Variants in LRRC4C observed in about 807,000 individuals in gnomAD.
LRRC4C encodes the protein leucine rich repeat containing 4C, also known as leucine-rich repeat-containing protein 4C.
LRRC4C carries 5 observed loss-of-function variants against 33.6 expected under a neutral mutation model. The ratio of observed to expected loss-of-function variants is 0.15; its 90% CI spans 0.08 to 0.31. The LOEUF is 0.31. LRRC4C is among the 10% of genes least tolerant of loss of function. The probability of loss-of-function intolerance (pLI) is 1.00; values close to 1 mark genes in which losing one functional copy is unlikely to be tolerated. For synonymous variants in LRRC4C, 329 were observed against 302.0 expected (o/e 1.09, Z -0.93); for missense variants, 560 against 796.7 (o/e 0.70, Z 3.58).
intron 5 of LRRC4C, among the ~76,000 whole-genome samples, chr11:40,185,140 T>A (rs974648089): frequency 7.2e-5 from 11 of 152,198 alleles, no homozygotes; most frequent in African/African-American, 2.7e-4. Flanking sequence ...TATGTTGAAA[T>A]GGTTAAGCTA....
chr11:41,399,173 G>A (rs1001849373), intron 1 of LRRC4C, among the ~76,000 whole-genome samples: 38 of 151,962 alleles, frequency 2.5e-4, no homozygotes, highest in African/African-American at 9.2e-4. Context: ...GGATCAGTGA[G>A]TGCTAATATT....
At chr11:40,331,691 T>C (rs1003974665) in intron 3 of LRRC4C, among the ~76,000 whole-genome samples, 2 of 152,192 alleles carry the variant, frequency 1.3e-5, no homozygotes, top group Non-Finnish European at 2.9e-5. Flanking sequence ...CTCTCTCTTC[T>C]TGAGCTGGGA....
intron 3 of LRRC4C, among the ~76,000 whole-genome samples, chr11:40,584,597 G>C (rs1401266573): frequency 6.6e-6 from 1 of 152,088 alleles, no homozygotes; most frequent in Non-Finnish European, 1.5e-5. Context: ...CACACAGTAA[G>C]AGAGAGAATC....
intron 1 of LRRC4C, among the ~76,000 whole-genome samples, chr11:41,409,723 A>C (rs1191851603): frequency 6.6e-6 from 1 of 152,192 alleles, no homozygotes. Flanking sequence ...GAAAGATAAA[A>C]AGCAATTCAA....
chr11:41,242,330 T>C (rs1039041160), intron 1 of LRRC4C, among the ~76,000 whole-genome samples: 1 of 152,110 alleles, frequency 6.6e-6, no homozygotes, highest in Admixed American at 6.5e-5. Context: ...CATACCCTAG[T>C]TTTTTCCACA....
At chr11:40,522,919 T>C (rs1483464315) in intron 3 of LRRC4C, among the ~76,000 whole-genome samples, 1 of 152,218 alleles carries the variant, frequency 6.6e-6, no homozygotes, top group Non-Finnish European at 1.5e-5. Flanking sequence ...AGTGTATGTA[T>C]GTATATTTTA....
chr11:41,253,752 C>T (rs1301729276), intron 1 of LRRC4C, among the ~76,000 whole-genome samples: 1 of 152,058 alleles, frequency 6.6e-6, no homozygotes, highest in Non-Finnish European at 1.5e-5. Flanking sequence ...TTGCAAGATC[C>T]TTGTGAGGCA....
chr11:41,027,900 T>C (rs1856485506), intron 1 of LRRC4C, among the ~76,000 whole-genome samples: 1 of 151,708 alleles, frequency 6.6e-6, no homozygotes, highest in African/African-American at 2.4e-5. Context: ...ACCACTGGAA[T>C]GGTGTTTTTA....
At chr11:40,780,251 T>TA (rs1950164780) in intron 2 of LRRC4C, among the ~76,000 whole-genome samples, 1 of 152,144 alleles carries the variant, frequency 6.6e-6, no homozygotes, top group Admixed American at 6.5e-5. Flanking sequence ...TACTTTATTT[T>TA]AAAAAATTAT....
intron 3 of LRRC4C, among the ~76,000 whole-genome samples, chr11:40,470,132 G>C (rs1952855205): frequency 6.6e-6 from 1 of 152,176 alleles, no homozygotes; most frequent in South Asian, 2.1e-4. Flanking sequence ...ATATAGGAGA[G>C]CACTGGTTGG....
chr11:40,352,907 C>T (rs1311794948), intron 3 of LRRC4C, among the ~76,000 whole-genome samples: 1 of 152,132 alleles, frequency 6.6e-6, no homozygotes, highest in Non-Finnish European at 1.5e-5. Flanking sequence ...GCCACTCTTG[C>T]CTGACCTGTA....
At chr11:41,365,906 G>A (rs1952517955) in intron 1 of LRRC4C, among the ~76,000 whole-genome samples, 2 of 152,062 alleles carry the variant, frequency 1.3e-5, no homozygotes, top group Non-Finnish European at 2.9e-5. Flanking sequence ...ATGTGACCTA[G>A]GGAAATATTT....
intron 2 of LRRC4C, among the ~76,000 whole-genome samples, chr11:40,927,350 A>C (rs1372345301): frequency 6.6e-6 from 1 of 152,038 alleles, no homozygotes; most frequent in Non-Finnish European, 1.5e-5. Flanking sequence ...CTCCAGCCTG[A>C]ACAATAAAGA....
At chr11:40,812,914 C>T (rs1447443763) in intron 2 of LRRC4C, among the ~76,000 whole-genome samples, 2 of 151,828 alleles carry the variant, frequency 1.3e-5, no homozygotes, top group Admixed American at 1.3e-4. Flanking sequence ...TATAGAAGTC[C>T]CTAGATTCTA....
intron 3 of LRRC4C, among the ~76,000 whole-genome samples, chr11:40,463,687 A>G (rs775894679): frequency 1.3e-5 from 2 of 152,110 alleles, no homozygotes; most frequent in Non-Finnish European, 2.9e-5. Context: ...AAAATGCTCA[A>G]TGAACAAAGA....
At chr11:41,334,238 T>G (rs1951381487) in intron 1 of LRRC4C, among the ~76,000 whole-genome samples, 1 of 152,234 alleles carries the variant, frequency 6.6e-6, no homozygotes, top group African/African-American at 2.4e-5. Flanking sequence ...TGGCTGGCTT[T>G]GCAGAAAGGT....
At chr11:40,856,567 G>C (rs1202705391) in intron 2 of LRRC4C, among the ~76,000 whole-genome samples, 1 of 152,100 alleles carries the variant, frequency 6.6e-6, no homozygotes, top group African/African-American at 2.4e-5. Flanking sequence ...CCACTTTCTT[G>C]TTTAAACATG....
intron 2 of LRRC4C, among the ~76,000 whole-genome samples, chr11:40,762,947 T>C (rs1398018793): frequency 6.6e-6 from 1 of 151,742 alleles, no homozygotes; most frequent in Non-Finnish European, 1.5e-5. Flanking sequence ...CATTATTCAA[T>C]CTCAAAAATT....
chr11:40,418,212 G>T (rs1950396876), intron 3 of LRRC4C, among the ~76,000 whole-genome samples: 1 of 151,872 alleles, frequency 6.6e-6, no homozygotes, highest in Admixed American at 6.6e-5. Flanking sequence ...TCTATTTATA[G>T]AAAGACAAAG....
Sources: gnomAD v4.1 joint callset for allele counts (sites outside exome capture counted in the v4.1 genomes callset) on GRCh38, gnomAD v4.1.1 for gene constraint, MANE v1.5 for transcripts, NCBI Gene and HGNC (gene_info 2026-07-23, HGNC 2026-07-21) for gene names.